FUT9: variants seen among roughly 807,000 people sequenced by gnomAD.
FUT9 encodes the protein 4-galactosyl-N-acetylglucosaminide 3-alpha-L-fucosyltransferase 9.
In FUT9, 15 loss-of-function variants were observed where a neutral mutation model predicts 29.7. The ratio of observed to expected loss-of-function variants is 0.51; its 90% CI spans 0.34 to 0.78. The LOEUF is 0.78. Ranked by LOEUF, FUT9 falls within the 30% of genes least tolerant of loss-of-function variation. The pLI is 0.01. For synonymous variants in FUT9, 169 were observed against 153.7 expected (o/e 1.10, Z -0.74); for missense variants, 319 against 425.4 (o/e 0.75, Z 2.20).
intron 1 of FUT9, among the ~76,000 whole-genome samples, chr6:96,078,954 C>T (rs1342778197): frequency 1.3e-5 from 2 of 152,076 alleles, no homozygotes; most frequent in African/African-American, 4.8e-5. Flanking sequence ...AAAGAAGACT[C>T]CTTAATCTTC....
chr6:96,100,225 ACAC>A (rs1771563403), intron 1 of FUT9, among the ~76,000 whole-genome samples: 2 of 122,288 alleles, frequency 1.6e-5, no homozygotes, highest in African/African-American at 6.4e-5. Flanking sequence ...ACACACACAC[ACAC>A]CAACACACAC....
intron 2 of FUT9, among the ~76,000 whole-genome samples, chr6:96,120,713 A>AG (rs1554194055): frequency 2.1e-5 from 3 of 145,558 alleles, no homozygotes; most frequent in African/African-American, 5.1e-5. Flanking sequence ...CATTAAGCAC[A>AG]TTTTTTTTTT....
intron 1 of FUT9, among the ~76,000 whole-genome samples, chr6:96,092,125 A>T (rs1465377631): frequency 6.6e-6 from 1 of 152,130 alleles, no homozygotes; most frequent in Non-Finnish European, 1.5e-5. Context: ...TAAAAAATTG[A>T]TTGATCTATT....
At chr6:96,170,292 T>A (rs894587589) in intron 2 of FUT9, among the ~76,000 whole-genome samples, 2 of 152,158 alleles carry the variant, frequency 1.3e-5, no homozygotes, top group Admixed American at 1.3e-4. Flanking sequence ...GATATTGTGA[T>A]CCTTAGAGTT....
Position 96,204,184 on chromosome 6 carries a change from G to T in FUT9, c.1029G>T (p.Arg343Ser). 1 of 1,480,246 alleles carries T rather than the reference G, an allele frequency of 6.8e-7. No individual in the cohort carries two copies. The highest frequency in any genetic ancestry group is 9.0e-7 in the Non-Finnish European group (1 of 1,113,192). The allele number at this position is 1,480,246 out of a possible 1,614,324, so 91.7% of individuals were successfully genotyped here. A position where few individuals can be genotyped will look rare whatever the true frequency, so the allele number is the denominator to read the frequency against. Residue 343 changes from arginine (R) to serine (S), a missense_variant, in exon 3 of 3, where the codon AGG becomes AGT. Arg to Ser is a moderately radical substitution (Grantham distance 110). Coordinates refer to ENST00000302103, the MANE Select transcript of FUT9 (RefSeq NM_006581.4). Reference protein sequence around the residue: ...HACLACDHVKRHQEYKSVGNL... With the variant: ...HACLACDHVKSHQEYKSVGNL... ...GTTTGGCTTGCGATCATGTGAAAAGGCATCAAGAATATAAGTCTGTTGGTA... is the reference window on the plus strand; with the variant it reads ...GTTTGGCTTGCGATCATGTGAAAAGTCATCAAGAATATAAGTCTGTTGGTA...
intron 2 of FUT9, among the ~76,000 whole-genome samples, chr6:96,135,670 T>A (rs1264737646): frequency 6.6e-6 from 1 of 151,686 alleles, no homozygotes; most frequent in Non-Finnish European, 1.5e-5. Context: ...GGAGGGGAGT[T>A]GCTGTTCAAT....
chr6:96,039,070 C>A (rs1409783430), intron 1 of FUT9, among the ~76,000 whole-genome samples: 1 of 152,130 alleles, frequency 6.6e-6, no homozygotes, highest in African/African-American at 2.4e-5. Context: ...ACCTGCCCTT[C>A]TTTCTGCATT....
intron 2 of FUT9, among the ~76,000 whole-genome samples, chr6:96,158,687 C>G (rs1467249905): frequency 6.6e-6 from 1 of 152,058 alleles, no homozygotes; most frequent in Non-Finnish European, 1.5e-5. Flanking sequence ...GAATCTCCAA[C>G]CATCTCTTCC....
At chr6:96,067,913 G>C (rs2127946421) in intron 1 of FUT9, among the ~76,000 whole-genome samples, 1 of 152,196 alleles carries the variant, frequency 6.6e-6, no homozygotes, top group East Asian at 1.9e-4. Flanking sequence ...GATGATTAAT[G>C]AGTTAGTACA....
At chr6:96,064,642 T>C (rs1770932521) in intron 1 of FUT9, among the ~76,000 whole-genome samples, 1 of 152,186 alleles carries the variant, frequency 6.6e-6, no homozygotes, top group African/African-American at 2.4e-5. Context: ...TATAGAAAAG[T>C]GGGTGGATCT....
rs564464100 is a variant in FUT9 at position 96,020,211 on chromosome 6, C to A, written c.-98+3999C>A. Among the ~76,000 whole-genome samples, 12 of 152,212 alleles carry A rather than the reference C, an allele frequency of 7.9e-5. No individual in the cohort carries two copies. The South Asian group carries it at 2.5e-3, about 32-fold the overall frequency. On this transcript the variant is annotated intron_variant, in intron 1 of 2. Coordinates refer to ENST00000302103, the MANE Select transcript of FUT9 (RefSeq NM_006581.4). ...TTTTGCATAATTTTTATTAGAAATT[C>A]CTCACTTATGCAGTGTAAGGTTTTT...
intron 2 of FUT9, among the ~76,000 whole-genome samples, chr6:96,199,997 A>T (rs987924665): frequency 6.6e-6 from 1 of 152,176 alleles, no homozygotes; most frequent in East Asian, 1.9e-4. Flanking sequence ...CTAAAATGTT[A>T]ATTATCAAGT....
chr6:96,065,782 C>T (rs549093636), intron 1 of FUT9, among the ~76,000 whole-genome samples: 1 of 152,090 alleles, frequency 6.6e-6, no homozygotes, highest in South Asian at 2.1e-4. Flanking sequence ...TCCTCTATGA[C>T]ATAAATAACA....
At chr6:96,108,090 C>A (rs1489838943) in intron 1 of FUT9, among the ~76,000 whole-genome samples, 2 of 151,462 alleles carry the variant, frequency 1.3e-5, no homozygotes, top group Non-Finnish European at 2.9e-5. Flanking sequence ...TAAGAAATGT[C>A]CATTATTTCC....
rs200685746 is a variant in FUT9, at chr6:96,149,991, C to G, written c.-9+35864C>G. Among the ~76,000 whole-genome samples, 22 of 152,256 alleles carry G rather than the reference C, an allele frequency of 1.4e-4. No homozygotes were observed. In the East Asian group the frequency reaches 3.3e-3, roughly 23 times the overall value. ...CTCATTAACCCTCCCCTCTTTACCCCCCTTCTCCATTACCCTTCCCAGCCT... is the reference window on the plus strand; with the variant it reads ...CTCATTAACCCTCCCCTCTTTACCCGCCTTCTCCATTACCCTTCCCAGCCT... On this transcript the variant is annotated intron_variant, in intron 2 of 2. Transcript: ENST00000302103.
intron 2 of FUT9, among the ~76,000 whole-genome samples, chr6:96,150,757 C>T (rs1772661214): frequency 6.6e-6 from 1 of 152,182 alleles, no homozygotes; most frequent in Non-Finnish European, 1.5e-5. Flanking sequence ...TTCCAGAATA[C>T]CGTGGATCTG....
intron 2 of FUT9, among the ~76,000 whole-genome samples, chr6:96,186,406 C>G (rs1000830138): frequency 1.3e-5 from 2 of 152,014 alleles, no homozygotes; most frequent in Admixed American, 1.3e-4. Flanking sequence ...TAGCAATGCC[C>G]CATCTAAGGT....
intron 1 of FUT9, among the ~76,000 whole-genome samples, chr6:96,111,189 A>G (rs989492662): frequency 1.3e-5 from 2 of 152,198 alleles, no homozygotes; most frequent in Non-Finnish European, 2.9e-5. Context: ...GGGCTTTCTA[A>G]AGACTGATGT....
chr6:96,167,143 T>A (rs895758919), intron 2 of FUT9, among the ~76,000 whole-genome samples: 45 of 152,318 alleles, frequency 3.0e-4, no homozygotes, highest in African/African-American at 9.9e-4. Context: ...TTATTTTAAG[T>A]TTGAGAGAAG....
Sources: allele counts gnomAD v4.1 joint callset (sites outside exome capture counted in the v4.1 genomes callset), GRCh38; gene constraint gnomAD v4.1.1; transcripts MANE v1.5; gene names NCBI Gene and HGNC (gene_info 2026-07-23, HGNC 2026-07-21).